ZNF385D: variants seen among roughly 807,000 people sequenced by gnomAD.
ZNF385D encodes zinc finger protein 385D.
Under a neutral mutation model 35.8 loss-of-function variants are expected in ZNF385D, and 15 were observed. The ratio of observed to expected loss-of-function variants is 0.42; its 90% CI spans 0.28 to 0.64. The LOEUF (loss-of-function observed/expected upper bound fraction) is 0.64. Among genes scored for constraint, ZNF385D ranks in the 30% least tolerant of loss-of-function variants. The probability of loss-of-function intolerance (pLI) is 0.23; values close to 1 mark genes in which losing one functional copy is unlikely to be tolerated. For synonymous variants in ZNF385D, 212 were observed against 186.8 expected (o/e 1.13, Z -1.10); for missense variants, 474 against 494.6 (o/e 0.96, Z 0.39).
At position 22,244,698 on chromosome 3, in the gene ZNF385D, G is replaced by A. The variant is rs544659441; in HGVS notation, c.107-75663C>T. On this transcript the variant is annotated intron_variant, in intron 2 of 5. Transcript: ENST00000494108. ...ACTTCATGGTCTGCAACTCTATGCT[G>A]AATTTACTATTTCAGAAAACTTCCA... Among the ~76,000 whole-genome samples, 3 of 151,108 alleles carry A rather than the reference G, an allele frequency of 2.0e-5. 1 individual carries two copies. The South Asian group carries it at 6.5e-4, about 33-fold the overall frequency.
intron 3 of ZNF385D, among the ~76,000 whole-genome samples, chr3:21,939,074 C>T (rs962374731): frequency 1.3e-5 from 2 of 152,050 alleles, no homozygotes; most frequent in African/African-American, 4.8e-5. Context: ...TCCATGCTGG[C>T]AACTAAATGG....
intron 2 of ZNF385D, among the ~76,000 whole-genome samples, chr3:22,367,509 A>G (rs1696709270): frequency 6.6e-6 from 1 of 152,160 alleles, no homozygotes; most frequent in South Asian, 2.1e-4. Context: ...TTTGTTCTTT[A>G]CATTCCAGGT....
At chr3:21,969,248 C>G (rs1482085828) in intron 3 of ZNF385D, among the ~76,000 whole-genome samples, 2 of 152,110 alleles carry the variant, frequency 1.3e-5, no homozygotes, top group South Asian at 4.1e-4. Context: ...TGTGCCCCCA[C>G]TCAAATCTCA....
At chr3:22,289,953 G>C (rs1030030623) in intron 2 of ZNF385D, among the ~76,000 whole-genome samples, 43 of 152,102 alleles carry the variant, frequency 2.8e-4, no homozygotes, top group Non-Finnish European at 5.7e-4. Context: ...AGTTGAAAGA[G>C]TTTGTGGAAA....
chr3:21,559,975 C>T (rs542340795), intron 3 of ZNF385D, among the ~76,000 whole-genome samples: 31 of 152,186 alleles, frequency 2.0e-4, no homozygotes, highest in African/African-American at 6.0e-4. Context: ...GTATGCCTCA[C>T]GAAGTTCTCG....
intron 2 of ZNF385D, among the ~76,000 whole-genome samples, chr3:21,575,617 C>G (rs1238281265): frequency 6.6e-6 from 1 of 152,150 alleles, no homozygotes; most frequent in Non-Finnish European, 1.5e-5. Flanking sequence ...CTAGTATTTT[C>G]CCAGCTTTCA....
At chr3:21,497,979 T>C (rs1056279116) in intron 4 of ZNF385D, among the ~76,000 whole-genome samples, 1 of 152,086 alleles carries the variant, frequency 6.6e-6, no homozygotes, top group Non-Finnish European at 1.5e-5. Context: ...ACTGCAAGCC[T>C]ACAGTAACCA....
chr3:21,782,692 T>C (rs542074632), intron 3 of ZNF385D, among the ~76,000 whole-genome samples: 1 of 152,150 alleles, frequency 6.6e-6, no homozygotes, highest in Admixed American at 6.6e-5. Context: ...TTAGGATTAT[T>C]TGGAGAATTA....
chr3:22,185,187 C>G (rs915044379), intron 2 of ZNF385D, among the ~76,000 whole-genome samples: 1 of 147,544 alleles, frequency 6.8e-6, no homozygotes, highest in Non-Finnish European at 1.5e-5. Flanking sequence ...TTTAAAATTG[C>G]AAGTTTCAAG....
intron 3 of ZNF385D, among the ~76,000 whole-genome samples, chr3:22,088,724 C>A (rs976366272): frequency 6.6e-6 from 1 of 152,150 alleles, no homozygotes; most frequent in Middle Eastern, 3.4e-3. Context: ...AACAAACTAA[C>A]AAAGCAAAAG....
intron 3 of ZNF385D, among the ~76,000 whole-genome samples, chr3:21,898,729 T>A (rs187033218): frequency 2.4e-4 from 36 of 152,298 alleles, no homozygotes; most frequent in Non-Finnish European, 4.6e-4. Flanking sequence ...TCTGGACTGA[T>A]TGATGAAGCA....
chr3:22,221,986 T>A (rs923953390), intron 2 of ZNF385D, among the ~76,000 whole-genome samples: 1 of 145,544 alleles, frequency 6.9e-6, no homozygotes, highest in African/African-American at 2.6e-5. Flanking sequence ...ACCATTCCGA[T>A]TTTTTTTTTT....
chr3:21,566,521 T>G (rs565200164), intron 2 of ZNF385D, among the ~76,000 whole-genome samples: 1 of 152,090 alleles, frequency 6.6e-6, no homozygotes, highest in East Asian at 1.9e-4. Context: ...TCCCAGGTAT[T>G]CGGGAGGCTG....
chr3:21,739,683 T>C (rs2069417638), intron 1 of ZNF385D, among the ~76,000 whole-genome samples: 1 of 152,166 alleles, frequency 6.6e-6, no homozygotes, highest in South Asian at 2.1e-4. Context: ...GGGCAGGAGA[T>C]GATTTAAAAG....
chr3:22,040,861 T>C lies in ZNF385D; in HGVS notation c.325+127956A>G, dbSNP rs548772726. 7.9e-5 allele frequency among the ~76,000 whole-genome samples: 12 copies of C among 152,256 alleles called. No homozygotes were observed. The South Asian group carries it at 8.3e-4, about 11-fold the overall frequency. ...AATAAATATCATGCTATGTTTGCAATGGTCAAGTGTCTTGCTTGCTAGAGT... is the reference window on the plus strand; with the variant it reads ...AATAAATATCATGCTATGTTTGCAACGGTCAAGTGTCTTGCTTGCTAGAGT... On this transcript the variant is annotated intron_variant, in intron 3 of 5. Coordinates refer to the ZNF385D transcript ENST00000494108.
chr3:22,319,678 T>A (rs979102834), intron 2 of ZNF385D, among the ~76,000 whole-genome samples: 4 of 152,068 alleles, frequency 2.6e-5, no homozygotes, highest in Non-Finnish European at 5.9e-5. Context: ...TGAAAAGATG[T>A]CCTCCCAGGA....
chr3:22,011,429 C>T (rs542285197), intron 3 of ZNF385D, among the ~76,000 whole-genome samples: 1 of 152,060 alleles, frequency 6.6e-6, no homozygotes, highest in African/African-American at 2.4e-5. Flanking sequence ...TTATTCATTT[C>T]TTCACACTGA....
At chr3:22,325,936 T>C (rs1171746586) in intron 2 of ZNF385D, among the ~76,000 whole-genome samples, 3 of 151,990 alleles carry the variant, frequency 2.0e-5, no homozygotes, top group African/African-American at 7.2e-5. Context: ...CTAATGATCA[T>C]CATTATCCAT....
intron 3 of ZNF385D, among the ~76,000 whole-genome samples, chr3:21,775,284 A>G (rs1255851227): frequency 6.6e-6 from 1 of 151,868 alleles, no homozygotes; most frequent in Non-Finnish European, 1.5e-5. Context: ...TGCAGCAAGA[A>G]TTGGCACCTG....
Sources: allele counts gnomAD v4.1 joint callset (sites outside exome capture counted in the v4.1 genomes callset), GRCh38; gene constraint gnomAD v4.1.1; transcripts MANE v1.5; gene names NCBI Gene and HGNC (gene_info 2026-07-23, HGNC 2026-07-21).